THSD7B: variants seen among roughly 807,000 people sequenced by gnomAD.
THSD7B encodes thrombospondin type 1 domain containing 7B.
A neutral mutation model predicts 213.6 loss-of-function variants in THSD7B; 138 were observed. That is an observed-to-expected ratio of 0.65 (90% confidence interval 0.56 to 0.74). THSD7B has a LOEUF of 0.74. THSD7B is among the 30% of genes least tolerant of loss of function. THSD7B has a pLI of 0.00. For synonymous variants in THSD7B, 742 were observed against 687.0 expected (o/e 1.08, Z -1.25); for missense variants, 1,931 against 1,991.5 (o/e 0.97, Z 0.58).
At position 137,430,003 on chromosome 2, in the gene THSD7B, G is replaced by A. The variant is rs1394073481; in HGVS notation, c.2959+18131G>A. 2.6e-5 allele frequency among the ~76,000 whole-genome samples: 4 copies of A among 152,212 alleles called. No individual in the cohort carries two copies. In the East Asian group the frequency reaches 5.8e-4, roughly 22 times the overall value. On this transcript the variant is annotated intron_variant, in intron 14 of 27. Coordinates refer to ENST00000409968, the MANE Select transcript of THSD7B (RefSeq NM_001316349.2). ...CACACATGTAATCACAGCACTTTGGGAAACCTAGGTAGGAGGATCTCTTGA... is the reference window on the plus strand; with the variant it reads ...CACACATGTAATCACAGCACTTTGGAAAACCTAGGTAGGAGGATCTCTTGA...
intron 15 of THSD7B, among the ~76,000 whole-genome samples, chr2:137,461,814 G>A (rs1301101732): frequency 6.6e-6 from 1 of 152,108 alleles, no homozygotes; most frequent in Non-Finnish European, 1.5e-5. Flanking sequence ...GGAGTCAGAA[G>A]GAAGGAGCCA....
chr2:137,504,705 G>A (rs1679793506), intron 15 of THSD7B, among the ~76,000 whole-genome samples: 1 of 152,164 alleles, frequency 6.6e-6, no homozygotes, highest in African/African-American at 2.4e-5. Flanking sequence ...ATACCTTCAG[G>A]AAAGAATATG....
At chr2:137,200,210 T>C (rs1353790059) in intron 7 of THSD7B, among the ~76,000 whole-genome samples, 2 of 152,150 alleles carry the variant, frequency 1.3e-5, no homozygotes, top group Non-Finnish European at 2.9e-5. Context: ...CTTTTTATTC[T>C]TGTATATTCC....
intron 1 of THSD7B, among the ~76,000 whole-genome samples, chr2:136,864,369 G>A (rs1273602803): frequency 6.6e-6 from 1 of 152,064 alleles, no homozygotes; most frequent in African/African-American, 2.4e-5. Flanking sequence ...TTGAAGCTTG[G>A]AAAAGTAAGA....
intron 17 of THSD7B, among the ~76,000 whole-genome samples, chr2:137,583,267 A>T (rs1413451063): frequency 2.0e-5 from 3 of 151,884 alleles, no homozygotes; most frequent in African/African-American, 4.8e-5. Flanking sequence ...GATTGCAAAA[A>T]TTTTCTCCCA....
At chr2:136,875,277 C>T (rs1050534806) in intron 1 of THSD7B, among the ~76,000 whole-genome samples, 1 of 152,062 alleles carries the variant, frequency 6.6e-6, no homozygotes, top group Non-Finnish European at 1.5e-5. Context: ...CAAAAATTAG[C>T]CAGACATGGT....
intron 15 of THSD7B, among the ~76,000 whole-genome samples, chr2:137,524,972 G>A (rs1437941718): frequency 6.6e-6 from 1 of 152,178 alleles, no homozygotes; most frequent in Non-Finnish European, 1.5e-5. Context: ...AGCTAGATGG[G>A]AGACAATAAG....
intron 7 of THSD7B, among the ~76,000 whole-genome samples, chr2:137,218,127 T>C (rs1459930011): frequency 6.6e-6 from 1 of 152,170 alleles, no homozygotes; most frequent in Non-Finnish European, 1.5e-5. Flanking sequence ...ATAATTACAA[T>C]TTGACCTCTT....
At chr2:137,284,918 A>C (rs905910896) in intron 12 of THSD7B, among the ~76,000 whole-genome samples, 1 of 152,036 alleles carries the variant, frequency 6.6e-6, no homozygotes, top group African/African-American at 2.4e-5. Context: ...TATTAGGTCC[A>C]CTTTGTGCAG....
At chr2:136,853,344 C>G (rs981306116) in intron 1 of THSD7B, among the ~76,000 whole-genome samples, 2 of 152,088 alleles carry the variant, frequency 1.3e-5, no homozygotes, top group African/African-American at 4.8e-5. Context: ...TTTCTCTTAT[C>G]TCTCATGTCC....
At chr2:137,317,290 T>C (rs561777589) in intron 12 of THSD7B, among the ~76,000 whole-genome samples, 48 of 152,368 alleles carry the variant, frequency 3.2e-4, no homozygotes, top group African/African-American at 1.1e-3. Context: ...TATTTATTAA[T>C]GCTACATGCT....
intron 5 of THSD7B, among the ~76,000 whole-genome samples, chr2:137,144,049 G>T (rs1254115849): frequency 2.0e-5 from 3 of 151,994 alleles, no homozygotes; most frequent in Admixed American, 6.6e-5. Flanking sequence ...TATGTTTTAA[G>T]ATTGCACATG....
At chr2:136,933,689 CTCT>C (rs1319818807) in intron 2 of THSD7B, among the ~76,000 whole-genome samples, 7 of 151,626 alleles carry the variant, frequency 4.6e-5, no homozygotes, top group African/African-American at 1.7e-4. Context: ...AATAATCAAT[CTCT>C]TCTTCTCTGT....
intron 1 of THSD7B, among the ~76,000 whole-genome samples, chr2:136,840,242 G>A (rs1212839731): frequency 6.6e-6 from 1 of 152,030 alleles, no homozygotes; most frequent in Non-Finnish European, 1.5e-5. Flanking sequence ...AGCCAGGAGT[G>A]GTGGTGCATG....
intron 1 of THSD7B, among the ~76,000 whole-genome samples, chr2:136,809,414 C>T (rs953335009): frequency 1.1e-4 from 16 of 152,280 alleles, no homozygotes; most frequent in South Asian, 4.1e-4. Flanking sequence ...GATGGTAGGA[C>T]ATGGGGTTGT....
At chr2:137,132,100 C>T (rs1278104241) in intron 5 of THSD7B, among the ~76,000 whole-genome samples, 1 of 149,448 alleles carries the variant, frequency 6.7e-6, no homozygotes, top group Non-Finnish European at 1.5e-5. Flanking sequence ...CTTCACATCC[C>T]TTGTAAGTTG....
chr2:137,553,022 T>C (rs1184262642), intron 15 of THSD7B, among the ~76,000 whole-genome samples: 2 of 151,960 alleles, frequency 1.3e-5, no homozygotes, highest in Non-Finnish European at 2.9e-5. Flanking sequence ...CTCACAACAT[T>C]TGGAGAAGAA....
At chr2:136,852,972 G>T (rs1377608133) in intron 1 of THSD7B, among the ~76,000 whole-genome samples, 2 of 151,974 alleles carry the variant, frequency 1.3e-5, no homozygotes, top group Non-Finnish European at 2.9e-5. Flanking sequence ...CTATCACTCA[G>T]TTTCCCTAAT....
In THSD7B at chr2:137,094,914, G is replaced by A; in HGVS notation, c.992G>A (p.Cys331Tyr). The change falls in exon 4 of 28, where the codon TGC becomes TAC. Residue 331 changes from cysteine (C) to tyrosine (Y), a missense_variant. Transcript: ENST00000409968. ...TCCTTCCCATTGACTGTTCAGTCCT[G>A]CATCATGCCCAAAGACTGTGAAACC... ...QDSFPLTVQS[C>Y]IMPKDCETSQ... 1 of 1,613,586 alleles carries A rather than the reference G, an allele frequency of 6.2e-7. No individual in the cohort carries two copies. Among genetic ancestry groups the A allele is most frequent in the Non-Finnish European group, 8.5e-7 (1 of 1,179,800 alleles).
Sources: allele counts gnomAD v4.1 joint callset (sites outside exome capture counted in the v4.1 genomes callset), GRCh38; gene constraint gnomAD v4.1.1; transcripts MANE v1.5; gene names NCBI Gene and HGNC (gene_info 2026-07-23, HGNC 2026-07-21).